Variants in AFAP1L1 observed in about 807,000 individuals in gnomAD.
AFAP1L1 encodes the protein actin filament-associated protein 1-like 1.
Under a neutral mutation model 99.8 loss-of-function variants are expected in AFAP1L1, and 77 were observed. The ratio of observed to expected loss-of-function variants is 0.77; its 90% CI spans 0.64 to 0.93. The LOEUF (loss-of-function observed/expected upper bound fraction) is 0.93, where lower values mean the gene tolerates loss of function less well. Among genes scored for constraint, AFAP1L1 ranks in the 40% least tolerant of loss-of-function variants. AFAP1L1 has a pLI of 0.00. For synonymous variants in AFAP1L1, 373 were observed against 395.3 expected (o/e 0.94, Z 0.67); for missense variants, 893 against 996.8 (o/e 0.90, Z 1.40).
intron 12 of AFAP1L1, among the ~76,000 whole-genome samples, chr5:149,318,562 G>A (rs560943301): frequency 1.3e-5 from 2 of 152,306 alleles, no homozygotes; most frequent in African/African-American, 4.8e-5. Context: ...TCAGCATGAT[G>A]TCCAGCACTA....
intron 1 of AFAP1L1, among the ~76,000 whole-genome samples, chr5:149,281,259 G>A (rs2127589286): frequency 6.6e-6 from 1 of 152,262 alleles, no homozygotes; most frequent in East Asian, 1.9e-4. Context: ...TTTCTTTTCT[G>A]TCGCATCTCT....
At position 149,329,727 on chromosome 5, in the gene AFAP1L1, A is replaced by C; in HGVS notation, c.1872A>C (p.Val624=). Residue 624 remains valine (V), a synonymous_variant, in exon 16 of 19, where the codon GTA becomes GTC. Coordinates refer to ENST00000296721, the MANE Select transcript of AFAP1L1 (RefSeq NM_152406.4). The stretch of plus-strand genomic sequence containing the variant: ...AGGAGGATGCCCGGAGGTACTTGGT[A>C]GAAAAAGAGAAGCTGGAGAAAGAGA... ...RAEEDARRYL[V]EKEKLEKEKE... 2 of 1,614,158 alleles carry C rather than the reference A, an allele frequency of 1.2e-6. No homozygotes were observed. The highest frequency in any genetic ancestry group is 1.7e-6 in the Non-Finnish European group (2 of 1,180,030).
At chr5:149,278,287 C>G (rs1017260043) in intron 1 of AFAP1L1, among the ~76,000 whole-genome samples, 2 of 152,132 alleles carry the variant, frequency 1.3e-5, no homozygotes, top group African/African-American at 4.8e-5. Context: ...CTCTTGCACA[C>G]TCCTTTCACC....
rs537199596 is a variant in AFAP1L1, at chr5:149,342,835, C to T, written c.*2805C>T. Among the ~76,000 whole-genome samples, 7 of 152,226 alleles carry T rather than the reference C, an allele frequency of 4.6e-5. No homozygotes were observed. The East Asian group carries it at 1.4e-3, about 29-fold the overall frequency. ...GCTGAGGGAGGAGAATCACTTGAAC[C>T]CGGGAGGTGGAGGTTGCAGTGAGCC... On this transcript the variant is annotated 3_prime_UTR_variant, in exon 19 of 19. Transcript: ENST00000296721.
Position 149,332,790 on chromosome 5 carries a change from G to A in AFAP1L1, c.2071G>A (p.Val691Met). Residue 691 changes from valine (V) to methionine (M), a missense_variant, in exon 17 of 19, where the codon GTG (valine) becomes ATG (methionine). By Grantham distance (21) the Val-to-Met change is conservative (BLOSUM62 1). Coordinates refer to ENST00000296721, the MANE Select transcript of AFAP1L1 (RefSeq NM_152406.4). The part of the protein sequence containing the change: ...ERRIDLELKL[V>M]AVKERLQQSL... The stretch of plus-strand genomic sequence containing the variant: ...CCGGATTGACCTGGAGCTGAAGCTG[G>A]TGGCTGTGAAGGAGCGCTTGCAGCA... 2.5e-6 allele frequency: 4 copies of A among 1,613,432 alleles called. No homozygotes were observed. The highest frequency in any genetic ancestry group is 3.4e-6 in the Non-Finnish European group (4 of 1,179,992).
intron 8 of AFAP1L1, 71 bp downstream of exon 8, chr5:149,310,206 G>T: frequency 6.8e-7 from 1 of 1,472,580 alleles, no homozygotes; most frequent in South Asian, 1.4e-5. Context: ...CCTCAGTAGA[G>T]CTGGCTCCTG....
At chr5:149,339,906 C>A in intron 18 of AFAP1L1, 101 bp from the exon 19 acceptor site, 2 of 1,324,050 alleles carry the variant, frequency 1.5e-6, no homozygotes, top group Non-Finnish European at 1.1e-6. Flanking sequence ...CGCAACCTGG[C>A]TAGTGGAGAT....
At chr5:149,305,940 T>C (rs1490452351) in intron 5 of AFAP1L1, among the ~76,000 whole-genome samples, 1 of 149,488 alleles carries the variant, frequency 6.7e-6, no homozygotes, top group Non-Finnish European at 1.5e-5. Flanking sequence ...CATGCAATGC[T>C]CTGGGGTCAT....
chr5:149,275,288 T>C (rs1188128698), intron 1 of AFAP1L1, among the ~76,000 whole-genome samples: 1 of 152,096 alleles, frequency 6.6e-6, no homozygotes, highest in Non-Finnish European at 1.5e-5. Context: ...CAACAGAAAT[T>C]AATTTTCTCA....
At chr5:149,298,869 G>A (rs1756096770) in intron 1 of AFAP1L1, among the ~76,000 whole-genome samples, 1 of 152,188 alleles carries the variant, frequency 6.6e-6, no homozygotes, top group African/African-American at 2.4e-5. Context: ...CACACCTCCT[G>A]AATCAGAATT....
chr5:149,285,283 A>G (rs1755642645), intron 1 of AFAP1L1, among the ~76,000 whole-genome samples: 1 of 152,102 alleles, frequency 6.6e-6, no homozygotes, highest in Non-Finnish European at 1.5e-5. Context: ...CACCTAGAAT[A>G]TCTAATCTAG....
At chr5:149,296,558 T>C (rs1289110903) in intron 1 of AFAP1L1, among the ~76,000 whole-genome samples, 1 of 151,010 alleles carries the variant, frequency 6.6e-6, no homozygotes, top group Non-Finnish European at 1.5e-5. Context: ...TGTGAGTAAT[T>C]ACCTATGAGG....
intron 1 of AFAP1L1, among the ~76,000 whole-genome samples, chr5:149,275,710 G>T (rs1012093773): frequency 6.6e-6 from 1 of 151,948 alleles, no homozygotes; most frequent in African/African-American, 2.4e-5. Flanking sequence ...GTTTCACCAC[G>T]TTAGCCAGGA....
At chr5:149,312,538 T>C (rs1756668219) in intron 9 of AFAP1L1, among the ~76,000 whole-genome samples, 1 of 152,150 alleles carries the variant, frequency 6.6e-6, no homozygotes, top group African/African-American at 2.4e-5. Flanking sequence ...TCCCAGCACT[T>C]TGGGAGGCCA....
chr5:149,321,722 C>CAAAAAAAAAAA, intron 14 of AFAP1L1, among the ~76,000 whole-genome samples: 1 of 63,768 alleles, frequency 1.6e-5, no homozygotes, highest in Admixed American at 2.0e-4. Flanking sequence ...GACTCTGTCT[C>CAAAAAAAAAAA]AAAAAAAAAA....
chr5:149,276,294 A>C (rs971646796), intron 1 of AFAP1L1, among the ~76,000 whole-genome samples: 1 of 152,246 alleles, frequency 6.6e-6, no homozygotes, highest in Non-Finnish European at 1.5e-5. Context: ...CGAAAGTAGA[A>C]TTTCTCTTCC....
chr5:149,306,244 G>A (rs1364488757), intron 5 of AFAP1L1, 62 bp from the exon 6 acceptor site: 2 of 1,451,024 alleles, frequency 1.4e-6, no homozygotes, highest in East Asian at 2.4e-5. Context: ...GTCTCCCCCA[G>A]TCCTGGCCCC....
At chr5:149,301,420 T>C (rs1342048251) in intron 4 of AFAP1L1, among the ~76,000 whole-genome samples, 190 bp downstream of exon 4, 19 of 152,152 alleles carry the variant, frequency 1.2e-4, no homozygotes. Context: ...CGCTGTGTGT[T>C]TTTTTTCTTA....
intron 12 of AFAP1L1, 115 bp from the exon 13 acceptor site, chr5:149,319,467 G>C: frequency 1.7e-6 from 2 of 1,193,232 alleles, no homozygotes; most frequent in East Asian, 2.4e-5. Context: ...TTTGACCCGA[G>C]TATCGGGTAC....
Sources: allele counts gnomAD v4.1 joint callset (sites outside exome capture counted in the v4.1 genomes callset), GRCh38; gene constraint gnomAD v4.1.1; transcripts MANE v1.5; gene names NCBI Gene and HGNC (gene_info 2026-07-23, HGNC 2026-07-21).